Variants in ZNF385D observed in about 807,000 individuals in gnomAD.
ZNF385D encodes the protein zinc finger protein 385D, also known as zinc finger protein 659.
A neutral mutation model predicts 35.8 loss-of-function variants in ZNF385D; 15 were observed. The observed-to-expected ratio is 0.42, with a 90% CI of 0.28 to 0.64. The LOEUF is 0.64. ZNF385D is among the 30% of genes least tolerant of loss of function. The pLI, the probability that ZNF385D is intolerant of heterozygous loss-of-function variation, is 0.23. For synonymous variants in ZNF385D, 212 were observed against 186.8 expected (o/e 1.13, Z -1.10); for missense variants, 474 against 494.6 (o/e 0.96, Z 0.39).
intron 3 of ZNF385D, among the ~76,000 whole-genome samples, chr3:22,095,088 CTTTTTTT>C (rs10663641): frequency 5.7e-5 from 7 of 121,974 alleles, no homozygotes; most frequent in Non-Finnish European, 9.8e-5. Flanking sequence ...TTCATTCTTT[CTTTTTTT>C]TTTTTTTTTT....
chr3:21,617,030 A>G (rs1162672427), intron 2 of ZNF385D, among the ~76,000 whole-genome samples: 3 of 152,158 alleles, frequency 2.0e-5, no homozygotes, highest in Non-Finnish European at 2.9e-5. Flanking sequence ...CCACTATCAC[A>G]TATGTTAAAA....
At chr3:21,711,578 G>A (rs1157529310) in intron 1 of ZNF385D, among the ~76,000 whole-genome samples, 1 of 152,136 alleles carries the variant, frequency 6.6e-6, no homozygotes, top group Non-Finnish European at 1.5e-5. Flanking sequence ...CATGCAGTCT[G>A]TTGCTATCTT....
At chr3:21,976,827 C>T (rs1294935358) in intron 3 of ZNF385D, among the ~76,000 whole-genome samples, 1 of 152,054 alleles carries the variant, frequency 6.6e-6, no homozygotes, top group Non-Finnish European at 1.5e-5. Flanking sequence ...CCCATCTCTG[C>T]TAAAAATACA....
intron 3 of ZNF385D, among the ~76,000 whole-genome samples, chr3:22,126,939 C>T (rs192481806): frequency 6.6e-6 from 1 of 152,084 alleles, no homozygotes; most frequent in Admixed American, 6.6e-5. Flanking sequence ...TTCTTTGTCC[C>T]TTTTTTGTGA....
intron 3 of ZNF385D, among the ~76,000 whole-genome samples, chr3:21,914,232 T>C (rs1229251512): frequency 1.3e-5 from 2 of 152,126 alleles, no homozygotes; most frequent in Non-Finnish European, 2.9e-5. Flanking sequence ...GGTCACTGTG[T>C]TTATTTTAAT....
chr3:22,229,355 C>A (rs945281013), intron 2 of ZNF385D, among the ~76,000 whole-genome samples: 1 of 152,182 alleles, frequency 6.6e-6, no homozygotes, highest in Non-Finnish European at 1.5e-5. Flanking sequence ...GTGACCCCAA[C>A]TTAGGTTGTG....
intron 3 of ZNF385D, among the ~76,000 whole-genome samples, chr3:21,546,828 A>G (rs971746387): frequency 2.1e-4 from 12 of 57,572 alleles, no homozygotes; most frequent in African/African-American, 5.5e-4. Context: ...GATAATTCCT[A>G]TTCTCTAGCC....
intron 3 of ZNF385D, among the ~76,000 whole-genome samples, chr3:22,163,312 A>G (rs1317127015): frequency 6.6e-6 from 1 of 152,176 alleles, no homozygotes; most frequent in Non-Finnish European, 1.5e-5. Context: ...TGCATTCTAT[A>G]TACCTTTATT....
intron 5 of ZNF385D, among the ~76,000 whole-genome samples, chr3:21,433,489 A>G (rs1373926447): frequency 2.0e-5 from 3 of 152,136 alleles, no homozygotes; most frequent in South Asian, 4.1e-4. Context: ...TGAAAACACA[A>G]TCCAATCTTA....
intron 3 of ZNF385D, among the ~76,000 whole-genome samples, chr3:22,059,418 A>T (rs757547851): frequency 6.6e-6 from 1 of 152,192 alleles, no homozygotes; most frequent in Non-Finnish European, 1.5e-5. Flanking sequence ...CTTTCTTAAC[A>T]TCAACACCAA....
chr3:21,905,240 C>T (rs1699621370), intron 3 of ZNF385D, among the ~76,000 whole-genome samples: 2 of 143,568 alleles, frequency 1.4e-5, no homozygotes, highest in African/African-American at 2.6e-5. Context: ...CCTAAACCTG[C>T]CTTTATTATT....
intron 2 of ZNF385D, among the ~76,000 whole-genome samples, chr3:22,177,924 T>A (rs1576450921): frequency 6.6e-6 from 1 of 152,352 alleles, no homozygotes; most frequent in East Asian, 1.9e-4. Context: ...TCATCCTTTT[T>A]TATGGCTGTA....
chr3:21,633,667 A>G (rs111927077), intron 2 of ZNF385D, among the ~76,000 whole-genome samples: 1,802 of 152,212 alleles, frequency 0.012, 35 homozygotes, highest in African/African-American at 0.037. Context: ...TTAGGCAATC[A>G]ATAAATTCAT....
intron 1 of ZNF385D, among the ~76,000 whole-genome samples, chr3:21,728,785 A>T (rs1412714340): frequency 6.6e-6 from 1 of 152,204 alleles, no homozygotes; most frequent in Non-Finnish European, 1.5e-5. Flanking sequence ...CCACTCCTGC[A>T]AGCCGGCTCA....
At chr3:21,807,909 T>C (rs1390251217) in intron 3 of ZNF385D, among the ~76,000 whole-genome samples, 1 of 152,210 alleles carries the variant, frequency 6.6e-6, no homozygotes, top group Non-Finnish European at 1.5e-5. Context: ...GTATGTAAGC[T>C]AAATTTATAG....
At position 21,632,063 on chromosome 3, in the gene ZNF385D, C is replaced by T. The variant is rs139603414; in HGVS notation, c.165+32823G>A. Among the ~76,000 whole-genome samples the T allele has an allele frequency of 2.4e-3, 367 of 152,146 alleles. 1 individual carries two copies. The highest frequency in any genetic ancestry group is 6.9e-3 in the African/African-American group (288 of 41,532). ...CAATATTTATTAAATTCCAAATGTG[C>T]GTCAGGCACTATTCTAGGCACTGTG... On this transcript the variant is annotated intron_variant, in intron 2 of 7. Coordinates refer to ENST00000281523, the MANE Select transcript of ZNF385D (RefSeq NM_024697.3).
chr3:21,487,064 T>A (rs1411917953), intron 4 of ZNF385D, among the ~76,000 whole-genome samples: 1 of 152,110 alleles, frequency 6.6e-6, no homozygotes, highest in African/African-American at 2.4e-5. Flanking sequence ...TTATATTGAA[T>A]CTAATAAGTT....
chr3:22,050,162 T>G (rs1043011986), intron 3 of ZNF385D, among the ~76,000 whole-genome samples: 3 of 151,798 alleles, frequency 2.0e-5, no homozygotes, highest in African/African-American at 4.8e-5. Flanking sequence ...GCCCAGGAGT[T>G]TGAGACCAGC....
intron 2 of ZNF385D, among the ~76,000 whole-genome samples, chr3:22,247,191 GATA>G (rs1214011136): frequency 6.6e-6 from 1 of 151,794 alleles, no homozygotes; most frequent in East Asian, 1.9e-4. Context: ...TATTGTTTTT[GATA>G]ATAATGTCCT....
Sources: gnomAD v4.1 joint callset for allele counts (sites outside exome capture counted in the v4.1 genomes callset) on GRCh38, gnomAD v4.1.1 for gene constraint, MANE v1.5 for transcripts, NCBI Gene and HGNC (gene_info 2026-07-23, HGNC 2026-07-21) for gene names.